Variants in NEBL observed in about 807,000 individuals in gnomAD.
NEBL encodes the protein nebulette.
A neutral mutation model predicts 140.2 loss-of-function variants in NEBL; 122 were observed. The ratio of observed to expected loss-of-function variants is 0.87; its 90% CI spans 0.75 to 1.01. The LOEUF (loss-of-function observed/expected upper bound fraction) is 1.01, where lower values mean the gene tolerates loss of function less well. NEBL is among the 50% of genes least tolerant of loss of function. The probability of loss-of-function intolerance (pLI) is 0.00; values close to 1 mark genes in which losing one functional copy is unlikely to be tolerated. For missense variants in NEBL, 1,365 were observed against 1,231.3 expected (o/e 1.11, Z -1.62); for synonymous variants, 436 against 398.9 (o/e 1.09, Z -1.11).
intron 2 of NEBL, among the ~76,000 whole-genome samples, chr10:21,074,320 G>A (rs1396177645): frequency 6.6e-6 from 1 of 152,014 alleles, no homozygotes; most frequent in Non-Finnish European, 1.5e-5. Context: ...GCTTCAGGAG[G>A]CTGAAAGTTC....
At chr10:21,050,217 T>C (rs1834712247) in intron 2 of NEBL, among the ~76,000 whole-genome samples, 1 of 152,222 alleles carries the variant, frequency 6.6e-6, no homozygotes, top group South Asian at 2.1e-4. Context: ...TGCTGATAAA[T>C]TCTTACTTTC....
chr10:21,246,029 T>C (rs543425312), intron 3 of NEBL, among the ~76,000 whole-genome samples: 6 of 152,342 alleles, frequency 3.9e-5, no homozygotes, highest in African/African-American at 1.2e-4. Context: ...TTTCCTTCTG[T>C]GTCCCCACAC....
chr10:20,810,102 GA>G (rs1837991731), intron 24 of NEBL, among the ~76,000 whole-genome samples: 1 of 152,146 alleles, frequency 6.6e-6, no homozygotes, highest in Non-Finnish European at 1.5e-5. Context: ...TATCTGTTAA[GA>G]AATCTTTGTA....
chr10:21,198,694 T>C lies in NEBL; in HGVS notation n.349-26217A>G, dbSNP rs148306249. On this transcript the variant is annotated intron_variant and non_coding_transcript_variant, in intron 3 of 8. Transcript: ENST00000675702. ...GCTAGGTTACTTGCCTAGTCTTCCA[T>C]ACATACCCCTCCCACTGCCAGCACC... Among the ~76,000 whole-genome samples the C allele has an allele frequency of 9.9e-5, 15 of 152,272 alleles. No homozygotes were observed. The East Asian group carries it at 2.9e-3, about 29-fold the overall frequency.
intron 3 of NEBL, among the ~76,000 whole-genome samples, chr10:21,000,962 A>G (rs1013797843): frequency 3.3e-5 from 5 of 152,186 alleles, no homozygotes; most frequent in Admixed American, 1.3e-4. Context: ...TCTCCTGCAG[A>G]CAAAGCCAGC....
intron 1 of NEBL, among the ~76,000 whole-genome samples, chr10:21,288,768 A>AAAAAAAAGAAAAAG (rs1554836841): frequency 0.016 from 1,955 of 118,960 alleles, 61 homozygotes; most frequent in Middle Eastern, 0.025. Context: ...GCCAAAAAAA[A>AAAAAAAAGAAAAAG]AAAAAAGAAA....
rs777010572 is a variant in NEBL, at chr10:20,859,707, A to G, written c.798+6T>C. On this transcript the variant is annotated splice_donor_region_variant and intron_variant, in intron 8 of 27. Transcript: ENST00000377122. ...TGAAAATAATTTTCTATGAATTACA[A>G]CTTACATTGCTCGCCAGTGTAGCAG... 4 of 1,542,194 alleles carry G rather than the reference A, an allele frequency of 2.6e-6. 1 individual carries two copies. Among genetic ancestry groups the G allele is most frequent in the South Asian group, 2.3e-5 (2 of 88,494 alleles).
At chr10:20,898,865 G>A (rs902723306), upstream of NEBL, among the ~76,000 whole-genome samples, 9 of 151,890 alleles carry the variant, frequency 5.9e-5, no homozygotes, top group African/African-American at 1.7e-4. Flanking sequence ...AAATATGACC[G>A]ACTGCTTAGG....
chr10:21,122,188 G>A (rs1474601708), intron 2 of NEBL, among the ~76,000 whole-genome samples: 1 of 152,072 alleles, frequency 6.6e-6, no homozygotes, highest in African/African-American at 2.4e-5. Flanking sequence ...ACCATGCCTG[G>A]CTAGTTTTTG....
At chr10:20,918,229 G>A (rs1005681734) in intron 4 of NEBL, among the ~76,000 whole-genome samples, 20 of 152,140 alleles carry the variant, frequency 1.3e-4, no homozygotes, top group Admixed American at 3.9e-4. Context: ...ATGGTGACAA[G>A]CGCTTGTAAT....
intron 1 of NEBL, among the ~76,000 whole-genome samples, chr10:21,280,623 T>TC (rs1842981285): frequency 7.0e-6 from 1 of 142,958 alleles, no homozygotes; most frequent in Non-Finnish European, 1.5e-5. Flanking sequence ...TTTTTCCTTT[T>TC]TTTTTTTTTT....
chr10:20,899,522 G>T, upstream of NEBL: 1 of 821,826 alleles, frequency 1.2e-6, no homozygotes, highest in Non-Finnish European at 1.7e-6. Flanking sequence ...CACGTGCAAT[G>T]TGAACACAAA....
chr10:20,955,792 A>C (rs1172963184), intron 4 of NEBL, among the ~76,000 whole-genome samples: 1 of 152,136 alleles, frequency 6.6e-6, no homozygotes, highest in Non-Finnish European at 1.5e-5. Context: ...TACTGCAGTA[A>C]CTCAGGCAAG....
At chr10:21,185,686 G>A (rs573812492) in intron 3 of NEBL, among the ~76,000 whole-genome samples, 49 of 151,558 alleles carry the variant, frequency 3.2e-4, no homozygotes, top group African/African-American at 1.1e-3. Context: ...TAGTAGAGAC[G>A]GGGTTTCGCC....
intron 2 of NEBL, chr10:21,029,114 G>A (rs1833669037): frequency 3.2e-6 from 4 of 1,256,712 alleles, no homozygotes; most frequent in Non-Finnish European, 3.5e-6. Context: ...AAACCAGTCA[G>A]CTGGGCTGAT....
chr10:21,172,177 A>C, intron 2 of NEBL: 1 of 595,740 alleles, frequency 1.7e-6, no homozygotes. Flanking sequence ...TTGAAGATGC[A>C]TAGACGTTAC....
chr10:21,140,796 T>C (rs1254033386), intron 2 of NEBL, among the ~76,000 whole-genome samples: 2 of 147,208 alleles, frequency 1.4e-5, no homozygotes, highest in Non-Finnish European at 3.0e-5. Context: ...TGTCGGGGAG[T>C]GGAGGGCAAG....
At chr10:21,167,692 G>T (rs545772454) in intron 2 of NEBL, among the ~76,000 whole-genome samples, 1 of 152,278 alleles carries the variant, frequency 6.6e-6, no homozygotes, top group Admixed American at 6.5e-5. Context: ...TGGTCTTAGG[G>T]TTTATACTCA....
At chr10:21,191,787 C>A (rs1336115471) in intron 3 of NEBL, among the ~76,000 whole-genome samples, 2 of 152,206 alleles carry the variant, frequency 1.3e-5, no homozygotes, top group Admixed American at 6.5e-5. Context: ...ATTTCAGAAT[C>A]ATTTTCCCAG....
Sources: gnomAD v4.1 joint callset for allele counts (sites outside exome capture counted in the v4.1 genomes callset) on GRCh38, gnomAD v4.1.1 for gene constraint, MANE v1.5 for transcripts, NCBI Gene and HGNC (gene_info 2026-07-23, HGNC 2026-07-21) for gene names.